Variants in SLC5A11 observed in about 807,000 individuals in gnomAD.
SLC5A11 encodes solute carrier family 5 member 11.
A neutral mutation model predicts 69.8 loss-of-function variants in SLC5A11; 48 were observed. The observed-to-expected ratio is 0.69, with a 90% CI of 0.55 to 0.87. The LOEUF is 0.87. Among genes scored for constraint, SLC5A11 ranks in the 40% least tolerant of loss-of-function variants. The pLI, the probability that SLC5A11 is intolerant of heterozygous loss-of-function variation, is 0.00. For synonymous variants in SLC5A11, 319 were observed against 342.4 expected (o/e 0.93, Z 0.75); for missense variants, 784 against 866.1 (o/e 0.91, Z 1.19).
intron 3 of SLC5A11, among the ~76,000 whole-genome samples, chr16:24,865,854 C>T (rs939404136): frequency 4.6e-5 from 7 of 151,334 alleles, no homozygotes; most frequent in Admixed American, 4.6e-4. Flanking sequence ...GTGAAGGTAA[C>T]TATGTAAGTA....
exon 16 of SLC5A11, chr16:24,911,581 A>T: frequency 6.4e-7 from 1 of 1,557,672 alleles, no homozygotes; most frequent in Non-Finnish European, 8.8e-7. Context: ...TCAGTGCTCC[A>T]TTTTTTTAAT....
intron 13 of SLC5A11, among the ~76,000 whole-genome samples, chr16:24,908,375 G>C (rs1057127728): frequency 1.3e-5 from 2 of 152,190 alleles, no homozygotes; most frequent in African/African-American, 4.8e-5. Context: ...GAGGTGGGTG[G>C]ATCACTTGAG....
chr16:24,908,560 T>C (rs924892587), intron 13 of SLC5A11, among the ~76,000 whole-genome samples: 14 of 124,822 alleles, frequency 1.1e-4, no homozygotes, highest in Non-Finnish European at 2.0e-4. Flanking sequence ...ACCACGCCAC[T>C]GCACTCCAGC....
At chr16:24,883,322 G>A (rs977221782) in intron 7 of SLC5A11, among the ~76,000 whole-genome samples, 4 of 152,102 alleles carry the variant, frequency 2.6e-5, no homozygotes, top group South Asian at 2.1e-4. Context: ...CTATGATCAC[G>A]CCACTACACT....
intron 1 of SLC5A11, among the ~76,000 whole-genome samples, chr16:24,853,603 G>A (rs1011535345): frequency 6.6e-6 from 1 of 152,110 alleles, no homozygotes; most frequent in African/African-American, 2.4e-5. Context: ...GAGAAGGGCG[G>A]GAGGAAAGAA....
At chr16:24,852,137 G>T in intron 1 of SLC5A11, among the ~76,000 whole-genome samples, 1 of 152,028 alleles carries the variant, frequency 6.6e-6, no homozygotes, top group Non-Finnish European at 1.5e-5. Context: ...ATTGTGCTCT[G>T]TTTATTTCCC....
chr16:24,874,444 A>AG (rs778605905), intron 5 of SLC5A11, among the ~76,000 whole-genome samples: 5 of 152,144 alleles, frequency 3.3e-5, no homozygotes, highest in Non-Finnish European at 5.9e-5. Flanking sequence ...TTATATTCCC[A>AG]CCAGCAGTGT....
chr16:24,870,442 A>ACCACACACACATAC (rs71156449), intron 4 of SLC5A11, among the ~76,000 whole-genome samples: 1 of 140,556 alleles, frequency 7.1e-6, no homozygotes, highest in African/African-American at 2.6e-5. Flanking sequence ...AACAAAAAAA[A>ACCACACACACATAC]ACACACACAC....
At chr16:24,879,812 G>T (rs949510114) in intron 7 of SLC5A11, among the ~76,000 whole-genome samples, 1 of 152,112 alleles carries the variant, frequency 6.6e-6, no homozygotes, top group Non-Finnish European at 1.5e-5. Flanking sequence ...TTAGGATAAG[G>T]GCCTCCAGCT....
At chr16:24,860,681 A>G (rs536125315) in intron 2 of SLC5A11, among the ~76,000 whole-genome samples, 167 of 152,242 alleles carry the variant, frequency 1.1e-3, no homozygotes, top group Non-Finnish European at 1.9e-3. Context: ...TCAGACTAGG[A>G]AAAATAATAT....
rs1295033456 is a variant in SLC5A11, at chr16:24,884,192, T to C, written c.664+61T>C. Reference sequence around the variant, plus strand: ...AGCACCTCTCTCCAGCAGGGATATCTGCTCTCCACACTGTGAACGGCAAAC... The same window carrying C: ...AGCACCTCTCTCCAGCAGGGATATCCGCTCTCCACACTGTGAACGGCAAAC... On this transcript the variant is annotated intron_variant, in intron 8 of 15. Transcript: ENST00000347898. The C allele has an allele frequency of 2.6e-6, 4 of 1,511,616 alleles. No individual in the cohort carries two copies. In the African/African-American group the frequency reaches 5.5e-5, roughly 21 times the overall value. The allele number at this position is 1,511,616 out of a possible 1,614,324, so 93.6% of individuals were successfully genotyped here. A position where few individuals can be genotyped will look rare whatever the true frequency, so the allele number is the denominator to read the frequency against.
chr16:24,884,727 T>C (rs2048288757), intron 8 of SLC5A11, among the ~76,000 whole-genome samples: 1 of 151,768 alleles, frequency 6.6e-6, no homozygotes, highest in Non-Finnish European at 1.5e-5. Context: ...AGCTTTTCCT[T>C]ACAGAGGTTT....
At chr16:24,890,517 AAGG>A (rs2048717194) in intron 8 of SLC5A11, among the ~76,000 whole-genome samples, 4 of 11,078 alleles carry the variant, frequency 3.6e-4, no homozygotes, top group African/African-American at 1.1e-3. Context: ...AAAAAAAAAG[AAGG>A]AAGGAAGGAA....
intron 5 of SLC5A11, among the ~76,000 whole-genome samples, chr16:24,873,302 GAAAT>G (rs1234245108): frequency 6.9e-6 from 1 of 145,052 alleles, no homozygotes; most frequent in Non-Finnish European, 1.5e-5. Flanking sequence ...AGGAAGGAAG[GAAAT>G]AAATATAATG....
At chr16:24,880,356 G>T (rs2047958827) in intron 7 of SLC5A11, among the ~76,000 whole-genome samples, 1 of 151,962 alleles carries the variant, frequency 6.6e-6, no homozygotes, top group Non-Finnish European at 1.5e-5. Context: ...TTTTCTTTTT[G>T]AGATGGAGAC....
chr16:24,862,240 A>G (rs1340628148), intron 2 of SLC5A11, among the ~76,000 whole-genome samples: 1 of 152,234 alleles, frequency 6.6e-6, no homozygotes, highest in African/African-American at 2.4e-5. Flanking sequence ...TAATGCATAT[A>G]AAGTGCTTGG....
At chr16:24,907,895 A>G in intron 12 of SLC5A11, 68 bp from the exon 14 acceptor site, 1 of 1,587,442 alleles carries the variant, frequency 6.3e-7, no homozygotes. Context: ...ATTAAAAGAG[A>G]CAGAGAGAGG....
intron 10 of SLC5A11, among the ~76,000 whole-genome samples, chr16:24,899,214 A>G (rs1034168513): frequency 6.6e-6 from 1 of 152,142 alleles, no homozygotes; most frequent in Admixed American, 6.5e-5. Flanking sequence ...GGCAAGTCCT[A>G]TAGGTATCCC....
exon 15 of SLC5A11, chr16:24,910,330 C>A (rs755901640): frequency 1.9e-6 from 3 of 1,614,038 alleles, no homozygotes; most frequent in Non-Finnish European, 2.5e-6. Context: ...CTGGTTTACT[C>A]GTCACGACCC....
Sources: gnomAD v4.1 joint callset for allele counts (sites outside exome capture counted in the v4.1 genomes callset) on GRCh38, gnomAD v4.1.1 for gene constraint, MANE v1.5 for transcripts, NCBI Gene and HGNC (gene_info 2026-07-23, HGNC 2026-07-21) for gene names.